Variants in PTPRM observed in about 807,000 individuals in gnomAD.
PTPRM encodes receptor-type tyrosine-protein phosphatase mu.
A neutral mutation model predicts 186.7 loss-of-function variants in PTPRM; 47 were observed. The ratio of observed to expected loss-of-function variants is 0.25; its 90% CI spans 0.20 to 0.32. The LOEUF (loss-of-function observed/expected upper bound fraction) is 0.32. PTPRM is among the 10% of genes least tolerant of loss of function. PTPRM has a pLI of 1.00. For synonymous variants in PTPRM, 668 were observed against 674.9 expected, an observed-to-expected ratio of 0.99 and a Z score of 0.16; for missense variants, 1,494 against 1,865.0, an observed-to-expected ratio of 0.80 and a Z score of 3.66.
intron 7 of PTPRM, among the ~76,000 whole-genome samples, chr18:7,998,103 A>G (rs77402312): frequency 0.033 from 5,046 of 152,292 alleles, 252 homozygotes; most frequent in African/African-American, 0.11. Context: ...TTGCAGTTCT[A>G]TTTACAATAG....
At position 7,605,538 on chromosome 18, in the gene PTPRM, A is replaced by G. The variant is rs2037511252; in HGVS notation, c.73+37647A>G. On this transcript the variant is annotated intron_variant, in intron 1 of 32. Coordinates refer to ENST00000580170, the MANE Select transcript of PTPRM (RefSeq NM_001105244.2). Reference sequence around the variant, plus strand: ...CTCCTATAGATGTATAAGGGAGGCAAGGTGAAAATGAGCTCGTCTTTTTAA... The same window carrying G: ...CTCCTATAGATGTATAAGGGAGGCAGGGTGAAAATGAGCTCGTCTTTTTAA... Among the ~76,000 whole-genome samples, 9 of 152,158 alleles carry G rather than the reference A, an allele frequency of 5.9e-5. 1 individual carries two copies. Among genetic ancestry groups the G allele is most frequent in the Admixed American group, 5.9e-4 (9 of 15,274 alleles).
chr18:8,150,835 G>A (rs1038022798), intron 14 of PTPRM, among the ~76,000 whole-genome samples: 4 of 152,154 alleles, frequency 2.6e-5, no homozygotes, highest in African/African-American at 9.7e-5. Flanking sequence ...GTCTTTGAGT[G>A]GATGTGCTAT....
chr18:7,574,658 G>A (rs2036641978), intron 1 of PTPRM, among the ~76,000 whole-genome samples: 1 of 152,232 alleles, frequency 6.6e-6, no homozygotes, highest in South Asian at 2.1e-4. Flanking sequence ...GAAGTTAGTA[G>A]ATGTAAGATT....
At chr18:8,405,032 T>G (rs1232100411) in intron 32 of PTPRM, 3 of 152,148 alleles carry the variant, frequency 2.0e-5, no homozygotes, top group Admixed American at 1.3e-4. Context: ...ATGTGGTGAC[T>G]CGTGCCTATA....
chr18:8,133,581 TG>T (rs1399392396), intron 13 of PTPRM, among the ~76,000 whole-genome samples: 1 of 152,164 alleles, frequency 6.6e-6, no homozygotes, highest in Non-Finnish European at 1.5e-5. Flanking sequence ...TTGGAATGTG[TG>T]GCCTTTGAAG....
At chr18:7,920,673 A>G (rs188085848) in intron 4 of PTPRM, among the ~76,000 whole-genome samples, 10 of 152,324 alleles carry the variant, frequency 6.6e-5, no homozygotes, top group Admixed American at 3.9e-4. Flanking sequence ...TTGTCTGTAT[A>G]TTAATATTAT....
intron 1 of PTPRM, among the ~76,000 whole-genome samples, chr18:7,766,500 T>A (rs551811398): frequency 1.3e-5 from 2 of 152,180 alleles, no homozygotes; most frequent in Admixed American, 1.3e-4. Flanking sequence ...GGAGTTACTA[T>A]GGGGCTGCAC....
At chr18:8,379,119 C>A in intron 27 of PTPRM, 48 bp from the exon 28 acceptor site, 2 of 1,499,224 alleles carry the variant, frequency 1.3e-6, no homozygotes, top group Non-Finnish European at 1.8e-6. Flanking sequence ...TGAGAGGAGT[C>A]CGCTGCCAAG....
intron 1 of PTPRM, among the ~76,000 whole-genome samples, chr18:7,735,842 C>A (rs2040758167): frequency 6.8e-6 from 1 of 147,810 alleles, no homozygotes; most frequent in African/African-American, 2.6e-5. Context: ...TAAAGTCAAG[C>A]ATTTTTTTTT....
chr18:8,132,091 T>G (rs1029418178), intron 13 of PTPRM, among the ~76,000 whole-genome samples: 1 of 152,230 alleles, frequency 6.6e-6, no homozygotes, highest in Non-Finnish European at 1.5e-5. Context: ...AAGTTGGAGC[T>G]CTTAGTCAAA....
At chr18:7,796,208 G>A (rs751474408) in intron 2 of PTPRM, among the ~76,000 whole-genome samples, 88 of 151,764 alleles carry the variant, frequency 5.8e-4, no homozygotes, top group Admixed American at 1.1e-3. Flanking sequence ...ACACATTAAC[G>A]GATGTTCACT....
At chr18:8,223,520 C>G (rs1190535707) in intron 14 of PTPRM, among the ~76,000 whole-genome samples, 1 of 152,168 alleles carries the variant, frequency 6.6e-6, no homozygotes, top group Non-Finnish European at 1.5e-5. Flanking sequence ...GCATCATGAG[C>G]AGAATGAAAG....
chr18:8,371,144 G>A lies in PTPRM; in HGVS notation c.3171+138G>A, dbSNP rs2095660543. 6 of 507,970 alleles carry A rather than the reference G, an allele frequency of 1.2e-5. No homozygotes were observed. In the East Asian group the frequency reaches 1.9e-4, roughly 16 times the overall value. 31.5% of individuals were successfully genotyped at this position (507,970 alleles called of 1,614,324 possible). On this transcript the variant is annotated intron_variant, in intron 24 of 32. Coordinates refer to ENST00000580170, the MANE Select transcript of PTPRM (RefSeq NM_001105244.2). ...CTCTATCTGATGGTTTCTCAAGATT[G>A]CATCTTGCTCTCTGATTCTATAACA...
intron 2 of PTPRM, among the ~76,000 whole-genome samples, chr18:7,823,199 C>T (rs959699240): frequency 6.6e-6 from 1 of 152,214 alleles, no homozygotes; most frequent in Non-Finnish European, 1.5e-5. Flanking sequence ...AAACTCTCTT[C>T]CCTCCACTCC....
intron 30 of PTPRM, among the ~76,000 whole-genome samples, chr18:8,385,229 G>A (rs1030628512): frequency 1.3e-5 from 2 of 152,120 alleles, no homozygotes; most frequent in Non-Finnish European, 2.9e-5. Flanking sequence ...TGCTAAAACT[G>A]GATTTTACAA....
intron 27 of PTPRM, 131 bp from the exon 28 acceptor site, chr18:8,379,036 G>T (rs2095714051): frequency 6.0e-6 from 4 of 668,062 alleles, no homozygotes; most frequent in African/African-American, 1.9e-5. Context: ...AACTATGGTG[G>T]GTTGGGGAGG....
intron 1 of PTPRM, among the ~76,000 whole-genome samples, chr18:7,672,340 A>C (rs570213415): frequency 1.3e-5 from 2 of 152,170 alleles, no homozygotes; most frequent in African/African-American, 4.8e-5. Context: ...TTTTTGGGAT[A>C]CTTAGTATTT....
chr18:7,806,706 A>G (rs2044254993), intron 2 of PTPRM, among the ~76,000 whole-genome samples: 1 of 151,968 alleles, frequency 6.6e-6, no homozygotes, highest in East Asian at 1.9e-4. Flanking sequence ...TTCTTCATTT[A>G]TTTTCCCCCT....
chr18:8,280,984 G>A (rs1205772704), intron 19 of PTPRM, among the ~76,000 whole-genome samples: 1 of 152,198 alleles, frequency 6.6e-6, no homozygotes, highest in East Asian at 1.9e-4. Context: ...TAATACCCAT[G>A]ATAGACTTTT....
Sources: allele counts gnomAD v4.1 joint callset (sites outside exome capture counted in the v4.1 genomes callset), GRCh38; gene constraint gnomAD v4.1.1; transcripts MANE v1.5; gene names NCBI Gene and HGNC (gene_info 2026-07-23, HGNC 2026-07-21).